The following CDH13 variants were observed in gnomAD, a reference collection of about 807,000 sequenced individuals.
The protein encoded by CDH13 is cadherin 13.
A neutral mutation model predicts 63.8 loss-of-function variants in CDH13; 24 were observed. The observed-to-expected ratio is 0.38, with a 90% CI of 0.27 to 0.53. CDH13 has a LOEUF of 0.53. Ranked by LOEUF, CDH13 falls within the 20% of genes least tolerant of loss-of-function variation. The pLI, the probability that CDH13 is intolerant of heterozygous loss-of-function variation, is 0.85. For missense variants in CDH13, 1,049 were observed against 903.1 expected, an observed-to-expected ratio of 1.16 and a Z score of -2.07; for synonymous variants, 503 against 355.3, an observed-to-expected ratio of 1.42 and a Z score of -4.67.
intron 1 of CDH13, among the ~76,000 whole-genome samples, chr16:82,833,966 TG>T (rs1208307142): frequency 2.0e-5 from 3 of 152,202 alleles, no homozygotes; most frequent in African/African-American, 7.2e-5. Context: ...ACCTTGTGGG[TG>T]GGGAATTGTC....
chr16:83,199,311 C>G (rs114283099), intron 4 of CDH13, among the ~76,000 whole-genome samples: 1,611 of 152,308 alleles, frequency 0.011, 30 homozygotes, highest in African/African-American at 0.037. Context: ...AATAATCAGC[C>G]CTGCTCCTTG....
intron 6 of CDH13, among the ~76,000 whole-genome samples, chr16:83,416,243 T>G (rs1030421234): frequency 6.6e-6 from 1 of 152,184 alleles, no homozygotes; most frequent in Non-Finnish European, 1.5e-5. Context: ...CGAAGGGAAT[T>G]TTAAAAGACA....
rs565663597 is a variant in CDH13 at position 83,725,147 on chromosome 16, A to C, written c.1539-22961A>C. Among the ~76,000 whole-genome samples the C allele has an allele frequency of 2.0e-5, 3 of 152,356 alleles. No individual in the cohort carries two copies. In the South Asian group the frequency reaches 6.2e-4, roughly 32 times the overall value. ...ATATAACAGCAGCAGAGAGAAAGGC[A>C]CATCAGTCAAAGTCAAGGAAGGAAG... On this transcript the variant is annotated intron_variant, in intron 10 of 13. Transcript: ENST00000567109.
chr16:82,937,259 A>C lies in CDH13; in HGVS notation c.157+78786A>C, dbSNP rs145808592. ...AGGTGCTAGCCTCACAGATATACAT[A>C]AACATTCACAATCAGGTTTCCAAAG... On this transcript the variant is annotated intron_variant, in intron 2 of 13. Coordinates refer to ENST00000567109, the MANE Select transcript of CDH13 (RefSeq NM_001257.5). 4.6e-3 allele frequency among the ~76,000 whole-genome samples: 693 copies of C among 152,266 alleles called. 6 individuals are homozygous for C. The highest frequency in any genetic ancestry group is 0.016 in the African/African-American group (654 of 41,540).
intron 1 of CDH13, among the ~76,000 whole-genome samples, chr16:82,664,891 A>T (rs988037559): frequency 9.2e-5 from 14 of 152,188 alleles, no homozygotes; most frequent in Non-Finnish European, 1.6e-4. Context: ...GTGGGTATGT[A>T]TGAATACATG....
intron 3 of CDH13, among the ~76,000 whole-genome samples, chr16:83,109,970 G>T (rs2034979896): frequency 6.6e-6 from 1 of 152,182 alleles, no homozygotes; most frequent in African/African-American, 2.4e-5. Flanking sequence ...TTGCATCTTG[G>T]AAGTGTGGTT....
chr16:83,630,190 A>T (rs1159813195), intron 8 of CDH13, among the ~76,000 whole-genome samples: 2 of 152,112 alleles, frequency 1.3e-5, no homozygotes, highest in Non-Finnish European at 2.9e-5. Context: ...CCTCTCTGAG[A>T]TCTGGGTTAT....
intron 6 of CDH13, among the ~76,000 whole-genome samples, chr16:83,379,932 T>TAGAGAGAGAGAG (rs1221020454): frequency 1.2e-5 from 1 of 86,278 alleles, no homozygotes; most frequent in Non-Finnish European, 2.6e-5. Flanking sequence ...TATATATATA[T>TAGAGAGAGAGAG]ATATATAGAG....
At chr16:82,666,299 A>G (rs1249937712) in intron 1 of CDH13, among the ~76,000 whole-genome samples, 1 of 152,228 alleles carries the variant, frequency 6.6e-6, no homozygotes, top group African/African-American at 2.4e-5. Context: ...CACAGGCAGT[A>G]TCTTGTGTAT....
At chr16:83,677,788 CG>C (rs1915082731) in intron 9 of CDH13, among the ~76,000 whole-genome samples, 1 of 151,996 alleles carries the variant, frequency 6.6e-6, no homozygotes, top group Non-Finnish European at 1.5e-5. Context: ...CCGTGGGTGT[CG>C]GGGGTACGGA....
chr16:83,567,370 C>G (rs1469685982), intron 7 of CDH13, among the ~76,000 whole-genome samples: 2 of 152,116 alleles, frequency 1.3e-5, no homozygotes, highest in Admixed American at 1.3e-4. Context: ...AATGAGTGCC[C>G]CCTTGAGTCC....
chr16:83,160,236 A>G (rs1463957338), intron 4 of CDH13, among the ~76,000 whole-genome samples: 3 of 152,110 alleles, frequency 2.0e-5, no homozygotes, highest in Non-Finnish European at 4.4e-5. Flanking sequence ...TATCAAATGT[A>G]CCACTCTGGT....
At chr16:83,268,983 A>G (rs1218276950) in intron 5 of CDH13, among the ~76,000 whole-genome samples, 1 of 152,192 alleles carries the variant, frequency 6.6e-6, no homozygotes, top group African/African-American at 2.4e-5. Flanking sequence ...AGGTGCTTTT[A>G]TTTCCTTCTG....
intron 4 of CDH13, among the ~76,000 whole-genome samples, chr16:83,141,476 C>T (rs1048578707): frequency 1.3e-5 from 2 of 152,132 alleles, no homozygotes; most frequent in South Asian, 4.2e-4. Flanking sequence ...TTTCTCTTCG[C>T]AGTGTTCTTA....
intron 2 of CDH13, among the ~76,000 whole-genome samples, chr16:82,949,800 T>A (rs1905104976): frequency 6.6e-6 from 1 of 152,108 alleles, no homozygotes; most frequent in Non-Finnish European, 1.5e-5. Flanking sequence ...CTCTTTGTGT[T>A]AATTATAAGT....
intron 5 of CDH13, among the ~76,000 whole-genome samples, chr16:83,262,793 C>G (rs1047093834): frequency 1.3e-5 from 2 of 152,176 alleles, no homozygotes; most frequent in Non-Finnish European, 2.9e-5. Context: ...AGATGTTTCT[C>G]AAATATTTGG....
At chr16:82,963,511 C>G (rs895040430) in intron 2 of CDH13, among the ~76,000 whole-genome samples, 8 of 152,214 alleles carry the variant, frequency 5.3e-5, no homozygotes, top group African/African-American at 1.7e-4. Context: ...TCCCCTCTAA[C>G]TCCACTTTTT....
intron 6 of CDH13, among the ~76,000 whole-genome samples, chr16:83,474,041 C>G (rs1219138405): frequency 2.6e-5 from 4 of 152,136 alleles, no homozygotes. Flanking sequence ...TCCCTCTGAG[C>G]CCATACTCAG....
At chr16:82,877,445 C>G (rs1295658440) in intron 2 of CDH13, among the ~76,000 whole-genome samples, 1 of 152,166 alleles carries the variant, frequency 6.6e-6, no homozygotes, top group African/African-American at 2.4e-5. Flanking sequence ...AGTTGTTGGT[C>G]TTAAGCACTA....
Sources: gnomAD v4.1 joint callset for allele counts (sites outside exome capture counted in the v4.1 genomes callset) on GRCh38, gnomAD v4.1.1 for gene constraint, MANE v1.5 for transcripts, NCBI Gene and HGNC (gene_info 2026-07-23, HGNC 2026-07-21) for gene names.